Variants in SCHIP1 observed in about 807,000 individuals in gnomAD.
The protein encoded by SCHIP1 is schwannomin-interacting protein 1.
Under a neutral mutation model 29.7 loss-of-function variants are expected in SCHIP1, and 8 were observed. The ratio of observed to expected loss-of-function variants is 0.27; its 90% confidence interval spans 0.16 to 0.49. The LOEUF (loss-of-function observed/expected upper bound fraction) is 0.49. Among genes scored for constraint, SCHIP1 ranks in the 20% least tolerant of loss-of-function variants. The pLI, the probability that SCHIP1 is intolerant of heterozygous loss-of-function variation, is 0.99. For synonymous variants in SCHIP1, 76 were observed against 94.9 expected (o/e 0.80, Z 1.16); for missense variants, 193 against 294.6 (o/e 0.66, Z 2.52).
At chr3:159,722,401 A>G in the SCHIP1 span, 1 of 152,530 alleles carries the variant, frequency 6.6e-6, no homozygotes, top group Non-Finnish European at 1.5e-5. Flanking sequence ...TCTATCTTAT[A>G]GAGAGAATAA....
chr3:159,521,582 C>G, the SCHIP1 span, among the ~76,000 whole-genome samples: 2 of 152,208 alleles, frequency 1.3e-5, no homozygotes, highest in Non-Finnish European at 2.9e-5. Flanking sequence ...TTTGTATTAC[C>G]TGCCTGGCCA....
the SCHIP1 span, among the ~76,000 whole-genome samples, chr3:159,636,955 AAAC>A: frequency 6.6e-6 from 1 of 152,204 alleles, no homozygotes; most frequent in African/African-American, 2.4e-5. Context: ...CATGTTCTCA[AAAC>A]AATTACCTAG....
chr3:159,411,151 G>A, the SCHIP1 span, among the ~76,000 whole-genome samples: 1 of 151,882 alleles, frequency 6.6e-6, no homozygotes, highest in East Asian at 1.9e-4. Context: ...GTGGGGGAGG[G>A]GGCACGATAA....
the SCHIP1 span, among the ~76,000 whole-genome samples, chr3:159,585,925 C>A: frequency 4.6e-5 from 7 of 152,082 alleles, no homozygotes; most frequent in African/African-American, 1.7e-4. Flanking sequence ...TTCATCATCC[C>A]TACCTACCTA....
the SCHIP1 span, among the ~76,000 whole-genome samples, chr3:159,680,606 T>TTA: frequency 0.082 from 8,118 of 98,528 alleles, 1,362 homozygotes; most frequent in African/African-American, 0.31. Context: ...ATAATATATA[T>TTA]TATATATGTA....
chr3:159,436,278 G>GCAGT, the SCHIP1 span, among the ~76,000 whole-genome samples: 1 of 152,170 alleles, frequency 6.6e-6, no homozygotes, highest in African/African-American at 2.4e-5. Flanking sequence ...TGTAGGCTTT[G>GCAGT]CAGTCAAGCA....
At chr3:159,385,505 C>T in the SCHIP1 span, among the ~76,000 whole-genome samples, 658 of 148,640 alleles carry the variant, frequency 4.4e-3, 3 homozygotes, top group African/African-American at 0.015. Flanking sequence ...TGCAGCAAGC[C>T]GAGATCACAC....
the SCHIP1 span, among the ~76,000 whole-genome samples, chr3:159,725,936 G>T: frequency 1.3e-5 from 2 of 152,152 alleles, no homozygotes; most frequent in South Asian, 2.1e-4. Flanking sequence ...AAAAAGAAAT[G>T]ATGTAAAATT....
chr3:159,753,047 T>C, the SCHIP1 span, among the ~76,000 whole-genome samples: 1 of 152,212 alleles, frequency 6.6e-6, no homozygotes, highest in Non-Finnish European at 1.5e-5. Context: ...AGAGTAACTA[T>C]TGGCCCTTCC....
the SCHIP1 span, among the ~76,000 whole-genome samples, chr3:159,513,042 T>C: frequency 2.0e-5 from 3 of 152,378 alleles, no homozygotes; most frequent in Admixed American, 2.0e-4. Context: ...CTCAAAAATA[T>C]ATTATTGAAC....
At chr3:159,531,197 GATT>G in the SCHIP1 span, among the ~76,000 whole-genome samples, 22 of 152,126 alleles carry the variant, frequency 1.4e-4, no homozygotes, top group Non-Finnish European at 3.1e-4. Context: ...TATAATCACA[GATT>G]ATCATTTAAA....
chr3:159,279,422 T>C, the SCHIP1 span, among the ~76,000 whole-genome samples: 1 of 152,194 alleles, frequency 6.6e-6, no homozygotes, highest in Non-Finnish European at 1.5e-5. Flanking sequence ...TATTTCTTCA[T>C]AGCAGTATGA....
the SCHIP1 span, among the ~76,000 whole-genome samples, chr3:159,808,791 C>G: frequency 1.3e-5 from 2 of 152,114 alleles, no homozygotes; most frequent in Non-Finnish European, 2.9e-5. Flanking sequence ...TTACCCCCCT[C>G]TACTAAAAAT....
At chr3:159,602,098 A>G in the SCHIP1 span, among the ~76,000 whole-genome samples, 1 of 152,312 alleles carries the variant, frequency 6.6e-6, no homozygotes, top group Non-Finnish European at 1.5e-5. Context: ...GAGCTCTCCC[A>G]TGGTTCACAT....
chr3:159,550,448 G>A, the SCHIP1 span, among the ~76,000 whole-genome samples: 3 of 151,732 alleles, frequency 2.0e-5, no homozygotes, highest in Admixed American at 6.6e-5. Flanking sequence ...TTCTTTTAAT[G>A]GTATAAAATA....
the SCHIP1 span, among the ~76,000 whole-genome samples, chr3:159,420,361 T>A: frequency 0.14 from 20,869 of 152,002 alleles, 1,672 homozygotes; most frequent in African/African-American, 0.2. Context: ...AATGGAGCAG[T>A]GGGGAAAATA....
the SCHIP1 span, among the ~76,000 whole-genome samples, chr3:159,806,689 T>C: frequency 6.6e-6 from 1 of 152,234 alleles, no homozygotes; most frequent in Non-Finnish European, 1.5e-5. Flanking sequence ...TGTTCAGTCT[T>C]GGCAGGCAGG....
the SCHIP1 span, among the ~76,000 whole-genome samples, chr3:159,608,033 A>T: frequency 6.6e-6 from 1 of 152,164 alleles, no homozygotes; most frequent in African/African-American, 2.4e-5. Flanking sequence ...AGCCACAGGA[A>T]TTCACAGGAC....
the SCHIP1 span, among the ~76,000 whole-genome samples, chr3:159,367,877 A>G: frequency 6.6e-6 from 1 of 152,206 alleles, no homozygotes; most frequent in African/African-American, 2.4e-5. Context: ...TGCCAAATGA[A>G]TGGCATTAAA....
Sources: allele counts gnomAD v4.1 joint callset (sites outside exome capture counted in the v4.1 genomes callset), GRCh38; gene constraint gnomAD v4.1.1; transcripts MANE v1.5; gene names NCBI Gene and HGNC (gene_info 2026-07-23, HGNC 2026-07-21).